TBC1D19: variants seen among roughly 807,000 people sequenced by gnomAD.
The protein encoded by TBC1D19 is TBC1 domain family member 19.
TBC1D19 carries 60 observed loss-of-function variants against 89.0 expected under a neutral mutation model. The observed-to-expected ratio is 0.67, with a 90% CI of 0.55 to 0.84. The LOEUF (loss-of-function observed/expected upper bound fraction) is 0.84, where lower values mean the gene tolerates loss of function less well. Ranked by LOEUF, TBC1D19 falls within the 40% of genes least tolerant of loss-of-function variation. The pLI is 0.00. For synonymous variants in TBC1D19, 189 were observed against 199.7 expected, an observed-to-expected ratio of 0.95 and a Z score of 0.45; for missense variants, 500 against 610.8, an observed-to-expected ratio of 0.82 and a Z score of 1.91.
intron 12 of TBC1D19, among the ~76,000 whole-genome samples, chr4:26,685,339 T>TGCA (rs1251677446): frequency 6.6e-6 from 1 of 152,176 alleles, no homozygotes; most frequent in Non-Finnish European, 1.5e-5. Flanking sequence ...CTCATGCCTG[T>TGCA]GCAGCAGCAG....
At chr4:26,822,668 G>C in the TBC1D19 span, among the ~76,000 whole-genome samples, 1 of 152,028 alleles carries the variant, frequency 6.6e-6, no homozygotes, top group South Asian at 2.1e-4. Context: ...TTAACGTTGA[G>C]ATGCGGTTGA....
At chr4:26,848,996 C>A in the TBC1D19 span, among the ~76,000 whole-genome samples, 1 of 152,028 alleles carries the variant, frequency 6.6e-6, no homozygotes, top group East Asian at 1.9e-4. Context: ...AGTTTGAGAC[C>A]CTGTCTCCAC....
chr4:26,836,531 A>G, the TBC1D19 span, among the ~76,000 whole-genome samples: 1 of 152,166 alleles, frequency 6.6e-6, no homozygotes, highest in East Asian at 1.9e-4. Context: ...GCCTTTCTAT[A>G]TTATGCTCTG....
At chr4:26,616,016 A>C (rs1024656453) in intron 3 of TBC1D19, among the ~76,000 whole-genome samples, 1 of 152,100 alleles carries the variant, frequency 6.6e-6, no homozygotes, top group Admixed American at 6.6e-5. Flanking sequence ...ATTCTGTACA[A>C]TAGAACTTTA....
At chr4:26,735,625 T>G in intron 16 of TBC1D19, 138 bp downstream of exon 16, 108 of 630,184 alleles carry the variant, frequency 1.7e-4, no homozygotes, top group Non-Finnish European at 2.3e-4. Flanking sequence ...AAATGCATGC[T>G]AGTTCCCCAT....
At chr4:26,736,502 A>G (rs961349749) in intron 16 of TBC1D19, among the ~76,000 whole-genome samples, 1 of 151,838 alleles carries the variant, frequency 6.6e-6, no homozygotes, top group African/African-American at 2.4e-5. Context: ...TATGTAACTA[A>G]CCTGCACAAT....
chr4:26,808,473 C>T, the TBC1D19 span, among the ~76,000 whole-genome samples: 6 of 87,604 alleles, frequency 6.8e-5, no homozygotes, highest in South Asian at 1.5e-3. Flanking sequence ...TGGCTCACGC[C>T]TGTAATCCCA....
At chr4:26,694,923 T>C (rs1176479695) in intron 13 of TBC1D19, among the ~76,000 whole-genome samples, 1 of 152,062 alleles carries the variant, frequency 6.6e-6, no homozygotes, top group East Asian at 1.9e-4. Context: ...CAAAGGTAGA[T>C]AAAACCACAA....
the TBC1D19 span, among the ~76,000 whole-genome samples, chr4:26,792,610 G>A: frequency 5.9e-5 from 9 of 152,322 alleles, no homozygotes; most frequent in South Asian, 4.1e-4. Context: ...AGCAACCTGC[G>A]TAAGCATACG....
upstream of TBC1D19, among the ~76,000 whole-genome samples, chr4:26,579,470 A>T: frequency 6.6e-6 from 1 of 150,874 alleles, no homozygotes; most frequent in East Asian, 1.9e-4. Flanking sequence ...AACTTTTAAA[A>T]TTTTTCTCCC....
chr4:26,761,252 T>C, the TBC1D19 span, among the ~76,000 whole-genome samples: 1 of 152,218 alleles, frequency 6.6e-6, no homozygotes, highest in Non-Finnish European at 1.5e-5. Context: ...CTGCGTTAAT[T>C]TTTATTGAGA....
the TBC1D19 span, among the ~76,000 whole-genome samples, chr4:26,846,817 T>C: frequency 6.6e-6 from 1 of 152,212 alleles, no homozygotes; most frequent in African/African-American, 2.4e-5. Flanking sequence ...TCTGCTACAC[T>C]GGACACTGCC....
chr4:26,815,929 G>A, the TBC1D19 span, among the ~76,000 whole-genome samples: 2 of 152,110 alleles, frequency 1.3e-5, no homozygotes, highest in African/African-American at 4.8e-5. Flanking sequence ...AATACCCCCC[G>A]AGGGCCTGCA....
chr4:26,770,510 T>G, the TBC1D19 span, among the ~76,000 whole-genome samples: 6 of 152,088 alleles, frequency 3.9e-5, no homozygotes, highest in African/African-American at 1.4e-4. Flanking sequence ...TCTATAGTTC[T>G]TATTTCTTCT....
At chr4:26,782,079 A>G in the TBC1D19 span, among the ~76,000 whole-genome samples, 151,949 of 152,324 alleles carry the variant, frequency 1, 75,789 homozygotes, top group Middle Eastern at 1. Context: ...CTGCTCACAT[A>G]TGTAATGGTT....
chr4:26,596,707 T>C (rs1055100284), intron 1 of TBC1D19, among the ~76,000 whole-genome samples: 6 of 151,964 alleles, frequency 3.9e-5, no homozygotes, highest in Non-Finnish European at 8.8e-5. Flanking sequence ...TTTCCTCTTT[T>C]ATAAAACATG....
the TBC1D19 span, among the ~76,000 whole-genome samples, chr4:26,780,354 G>A: frequency 1.3e-5 from 2 of 152,098 alleles, no homozygotes; most frequent in East Asian, 1.9e-4. Context: ...TTTACCCTGC[G>A]GAATAACACT....
chr4:26,749,932 TC>T (rs978054552), intron 19 of TBC1D19, among the ~76,000 whole-genome samples: 38 of 152,318 alleles, frequency 2.5e-4, no homozygotes, highest in African/African-American at 9.1e-4. Flanking sequence ...TGGTCTGCCC[TC>T]ATTTCTTTTG....
the TBC1D19 span, among the ~76,000 whole-genome samples, chr4:26,821,417 T>C: frequency 6.6e-6 from 1 of 152,238 alleles, no homozygotes; most frequent in Non-Finnish European, 1.5e-5. Context: ...TTCTAAATAA[T>C]TCAACAGTTG....
Sources: allele counts gnomAD v4.1 joint callset (sites outside exome capture counted in the v4.1 genomes callset), GRCh38; gene constraint gnomAD v4.1.1; transcripts MANE v1.5; gene names NCBI Gene and HGNC (gene_info 2026-07-23, HGNC 2026-07-21).